GTF2F2: variants seen among roughly 807,000 people sequenced by gnomAD.
GTF2F2 encodes the protein general transcription factor IIF subunit 2, also known as ATP-dependent helicase GTF2F2.
In GTF2F2, 23 loss-of-function variants were observed where a neutral mutation model predicts 42.2. That is an observed-to-expected ratio of 0.55 (90% confidence interval 0.39 to 0.77). The LOEUF (loss-of-function observed/expected upper bound fraction) is 0.77. Among genes scored for constraint, GTF2F2 ranks in the 30% least tolerant of loss-of-function variants. The pLI is 0.00. For missense variants in GTF2F2, 261 were observed against 287.2 expected (o/e 0.91, Z 0.66); for synonymous variants, 105 against 100.8 (o/e 1.04, Z -0.25).
intron 4 of GTF2F2, among the ~76,000 whole-genome samples, chr13:45,160,147 T>C (rs1430066078): frequency 6.6e-6 from 1 of 152,214 alleles, no homozygotes; most frequent in African/African-American, 2.4e-5. Flanking sequence ...TATTTAAAAA[T>C]CGATTTTCCA....
At chr13:45,129,749 G>A (rs747637788) in intron 1 of GTF2F2, among the ~76,000 whole-genome samples, 6 of 151,976 alleles carry the variant, frequency 3.9e-5, no homozygotes, top group Non-Finnish European at 5.9e-5. Flanking sequence ...ATTAGATTAC[G>A]TTCTAATGAG....
intron 7 of GTF2F2, among the ~76,000 whole-genome samples, chr13:45,276,646 G>A (rs1414414703): frequency 1.3e-5 from 2 of 152,102 alleles, no homozygotes; most frequent in African/African-American, 4.8e-5. Context: ...TCGCCATGTT[G>A]GCCAGGCTGG....
intron 5 of GTF2F2, among the ~76,000 whole-genome samples, chr13:45,229,736 C>T (rs1296193971): frequency 1.3e-5 from 2 of 152,106 alleles, no homozygotes; most frequent in African/African-American, 2.4e-5. Flanking sequence ...TGTATTTTGT[C>T]ATCTCTTACA....
At chr13:45,264,205 C>T (rs1264247209) in intron 6 of GTF2F2, among the ~76,000 whole-genome samples, 1 of 151,906 alleles carries the variant, frequency 6.6e-6, no homozygotes, top group African/African-American at 2.4e-5. Context: ...AGAGAAAGCA[C>T]CAACATTAAC....
chr13:45,179,360 C>T (rs766646537), intron 4 of GTF2F2, among the ~76,000 whole-genome samples: 3 of 152,126 alleles, frequency 2.0e-5, no homozygotes, highest in African/African-American at 7.2e-5. Flanking sequence ...TGTAGCTTAC[C>T]TGGTTACAAG....
At chr13:45,167,049 A>G (rs1871326369) in intron 4 of GTF2F2, among the ~76,000 whole-genome samples, 1 of 151,428 alleles carries the variant, frequency 6.6e-6, no homozygotes, top group Admixed American at 6.6e-5. Context: ...TGGCCAGCAC[A>G]CTTTGAAAGA....
chr13:45,213,777 T>C (rs1281724904), intron 5 of GTF2F2, among the ~76,000 whole-genome samples: 2 of 152,156 alleles, frequency 1.3e-5, no homozygotes, highest in African/African-American at 4.8e-5. Context: ...GCTTCTTTAT[T>C]AATAATTTTT....
At chr13:45,174,634 C>CTTTTCTTT (rs1456234732) in intron 4 of GTF2F2, among the ~76,000 whole-genome samples, 2 of 81,472 alleles carry the variant, frequency 2.5e-5, no homozygotes, top group African/African-American at 4.7e-5. Flanking sequence ...TTTCTTTTTT[C>CTTTTCTTT]TTTTTTTTTT....
At chr13:45,224,642 A>G (rs1229541823) in intron 5 of GTF2F2, among the ~76,000 whole-genome samples, 5 of 152,220 alleles carry the variant, frequency 3.3e-5, no homozygotes, top group East Asian at 1.9e-4. Context: ...TGTACCATCT[A>G]TCTGAAACTC....
intron 4 of GTF2F2, among the ~76,000 whole-genome samples, chr13:45,152,121 G>T (rs1870532911): frequency 6.6e-6 from 1 of 152,088 alleles, no homozygotes; most frequent in Admixed American, 6.5e-5. Context: ...CTCCATGTTG[G>T]TCAGGCTGGT....
chr13:45,158,413 G>A (rs1238070499), intron 4 of GTF2F2, among the ~76,000 whole-genome samples: 2 of 152,168 alleles, frequency 1.3e-5, no homozygotes, highest in East Asian at 3.8e-4. Flanking sequence ...AAATTACCCA[G>A]TCTTGGGTAT....
At chr13:45,266,653 G>T (rs1034243367) in intron 6 of GTF2F2, among the ~76,000 whole-genome samples, 17 of 152,176 alleles carry the variant, frequency 1.1e-4, no homozygotes, top group African/African-American at 4.1e-4. Context: ...TACAGTTTTG[G>T]CAAAAGGCCT....
At chr13:45,123,887 G>T in intron 1 of GTF2F2, 1 of 322,144 alleles carries the variant, frequency 3.1e-6, no homozygotes, top group Non-Finnish European at 5.8e-6. Flanking sequence ...CAGGGGGTCT[G>T]CATGGAAGCT....
chr13:45,259,959 A>G (rs181197113), intron 6 of GTF2F2, among the ~76,000 whole-genome samples: 66 of 152,262 alleles, frequency 4.3e-4, no homozygotes, highest in African/African-American at 1.5e-3. Context: ...CAGTTTGAAA[A>G]AATAAGTTTT....
intron 5 of GTF2F2, among the ~76,000 whole-genome samples, chr13:45,225,813 T>A (rs1874323205): frequency 6.6e-6 from 1 of 152,198 alleles, no homozygotes; most frequent in South Asian, 2.1e-4. Flanking sequence ...TGGATTATTG[T>A]CATATAACCC....
At chr13:45,146,283 T>C (rs1002856679) in intron 2 of GTF2F2, among the ~76,000 whole-genome samples, 3 of 151,960 alleles carry the variant, frequency 2.0e-5, no homozygotes, top group African/African-American at 7.3e-5. Context: ...ATCACTTGAG[T>C]CTAGGAGTTC....
In GTF2F2 at chr13:45,182,756, T is replaced by G. The variant is rs531415115; in HGVS notation, c.305-24668T>G. ...CACTATTGGTAGCTATTCTTCAGGT[T>G]TAATTTGTTAATAATTCTGTACATG... is the stretch of plus-strand genomic sequence containing the variant. On this transcript the variant is annotated intron_variant, in intron 4 of 7. Transcript: ENST00000340473. Among the ~76,000 whole-genome samples, 13 of 152,262 alleles carry G rather than the reference T, an allele frequency of 8.5e-5. No individual in the cohort carries two copies. The East Asian group carries it at 2.3e-3, about 27-fold the overall frequency.
chr13:45,198,987 A>G (rs1432848309), intron 4 of GTF2F2, among the ~76,000 whole-genome samples: 1 of 152,190 alleles, frequency 6.6e-6, no homozygotes, highest in Non-Finnish European at 1.5e-5. Flanking sequence ...CTATTTTGAA[A>G]TATAAAATTT....
At chr13:45,151,879 A>T in intron 4 of GTF2F2, 48 bp downstream of exon 4, 1 of 582,160 alleles carries the variant, frequency 1.7e-6, no homozygotes, top group Non-Finnish European at 2.7e-6. Flanking sequence ...CATTTTGTAT[A>T]GATTTTCTGT....
Sources: gnomAD v4.1 joint callset for allele counts (sites outside exome capture counted in the v4.1 genomes callset) on GRCh38, gnomAD v4.1.1 for gene constraint, MANE v1.5 for transcripts, NCBI Gene and HGNC (gene_info 2026-07-23, HGNC 2026-07-21) for gene names.